FAT3: variants seen among roughly 807,000 people sequenced by gnomAD.
FAT3 encodes the protein FAT atypical cadherin 3.
FAT3 carries 95 observed loss-of-function variants against 310.2 expected under a neutral mutation model. That is an observed-to-expected ratio of 0.31 (90% CI 0.26 to 0.36). FAT3 has a LOEUF of 0.36. Among genes scored for constraint, FAT3 ranks in the 10% least tolerant of loss-of-function variants. FAT3 has a pLI of 1.00. For synonymous variants in FAT3, 2,314 were observed against 2,192.9 expected, an observed-to-expected ratio of 1.06 and a Z score of -1.54; for missense variants, 5,408 against 5,715.6, an observed-to-expected ratio of 0.95 and a Z score of 1.74.
chr11:92,233,764 C>T (rs1590983343), intron 1 of FAT3, among the ~76,000 whole-genome samples: 2 of 152,154 alleles, frequency 1.3e-5, no homozygotes, highest in African/African-American at 4.8e-5. Context: ...ATTATATTGC[C>T]AGATCAATTC....
At chr11:92,479,017 T>A (rs1332909125) in intron 2 of FAT3, among the ~76,000 whole-genome samples, 1 of 148,468 alleles carries the variant, frequency 6.7e-6, no homozygotes, top group Non-Finnish European at 1.5e-5. Flanking sequence ...TTGTTTTTTT[T>A]TAGAGACAGG....
chr11:92,617,899 G>A (rs1022365746), intron 3 of FAT3, among the ~76,000 whole-genome samples: 5 of 152,294 alleles, frequency 3.3e-5, no homozygotes, highest in African/African-American at 1.2e-4. Context: ...CCCCTACTGG[G>A]GGGTGTCTCC....
intron 2 of FAT3, among the ~76,000 whole-genome samples, chr11:92,469,853 C>T (rs982841800): frequency 2.0e-5 from 3 of 151,798 alleles, no homozygotes; most frequent in African/African-American, 7.3e-5. Flanking sequence ...ATACACTAAA[C>T]AGAAAAAGTA....
intron 1 of FAT3, among the ~76,000 whole-genome samples, chr11:92,233,398 C>T (rs553803566): frequency 1.3e-5 from 2 of 152,232 alleles, no homozygotes; most frequent in Admixed American, 6.5e-5. Flanking sequence ...CATCGTTGGT[C>T]GTTTTGGTGG....
chr11:92,608,621 G>T lies in FAT3; in HGVS notation c.3607+83673G>T, dbSNP rs77703276. On this transcript the variant is annotated intron_variant, in intron 3 of 27. Transcript: ENST00000525166. ...GAATGGGCTACCTGATTGTATATTAGTATTCCTGGGTAATTATGCCTATGA... is the reference window on the plus strand; with the variant it reads ...GAATGGGCTACCTGATTGTATATTATTATTCCTGGGTAATTATGCCTATGA... 2.0e-5 allele frequency among the ~76,000 whole-genome samples: 3 copies of T among 151,842 alleles called. No individual in the cohort carries two copies. The East Asian group carries it at 5.8e-4, about 29-fold the overall frequency.
chr11:92,456,153 C>A (rs531049869), intron 2 of FAT3, among the ~76,000 whole-genome samples: 9 of 152,128 alleles, frequency 5.9e-5, no homozygotes, highest in Non-Finnish European at 8.8e-5. Context: ...TTGACTACTT[C>A]GTTTCTTCCA....
At chr11:92,455,629 T>G (rs191217211) in intron 2 of FAT3, among the ~76,000 whole-genome samples, 226 of 152,284 alleles carry the variant, frequency 1.5e-3, no homozygotes, top group Non-Finnish European at 1.8e-3. Context: ...GGGCTGCTAC[T>G]CAGCAGAAAG....
At chr11:92,378,796 T>C (rs1236158611) in intron 2 of FAT3, among the ~76,000 whole-genome samples, 2 of 152,290 alleles carry the variant, frequency 1.3e-5, no homozygotes, top group East Asian at 3.9e-4. Flanking sequence ...GCCGACAGAT[T>C]CAGTGTCTGG....
intron 5 of FAT3, among the ~76,000 whole-genome samples, chr11:92,762,982 AC>A (rs1370453735): frequency 6.6e-6 from 1 of 151,630 alleles, no homozygotes; most frequent in Non-Finnish European, 1.5e-5. Context: ...ACATGGTAAA[AC>A]CCCGTCTCTA....
In FAT3 at chr11:92,873,620, A is replaced by G. The variant is rs147607117; in HGVS notation, c.12127+6411A>G. On this transcript the variant is annotated intron_variant, in intron 22 of 27. Transcript: ENST00000525166. ...CTACACAGCCCAAATTAATGCTATA[A>G]TTGCTTATACCATTTCCATTTTTGC... 2.0e-4 allele frequency among the ~76,000 whole-genome samples: 31 copies of G among 152,338 alleles called. No individual in the cohort carries two copies. The East Asian group carries it at 5.6e-3, about 27-fold the overall frequency.
In FAT3 at chr11:92,799,700, A is replaced by G. The variant is rs370171845; in HGVS notation, c.6687A>G (p.Lys2229=). ...TCATTATCGATGGGGACCCTTTTAA[A>G]CAGTTTAACATTGACTTTGACACTG... ...IYIIIDGDPF[K]QFNIDFDTGV... Residue 2229 remains lysine, a synonymous_variant, in exon 10 of 28, where the codon AAA becomes AAG. Transcript: ENST00000525166. The G allele has an allele frequency of 6.2e-6, 10 of 1,613,186 alleles. No individual in the cohort carries two copies. Among genetic ancestry groups the G allele is most frequent in the Non-Finnish European group, 8.5e-6 (10 of 1,179,646 alleles).
chr11:92,521,637 T>A (rs1235238884), intron 2 of FAT3, among the ~76,000 whole-genome samples: 1 of 152,102 alleles, frequency 6.6e-6, no homozygotes, highest in African/African-American at 2.4e-5. Context: ...GTCAATTGGG[T>A]AGAAAGTGAA....
chr11:92,807,333 A>G (rs1947530582), intron 12 of FAT3, among the ~76,000 whole-genome samples: 1 of 152,184 alleles, frequency 6.6e-6, no homozygotes, highest in South Asian at 2.1e-4. Flanking sequence ...ACTTTGGGGT[A>G]TCATTCTCTG....
At chr11:92,325,919 C>T (rs1947751576) in intron 1 of FAT3, among the ~76,000 whole-genome samples, 1 of 152,214 alleles carries the variant, frequency 6.6e-6, no homozygotes, top group Admixed American at 6.5e-5. Context: ...CATGAGCCAC[C>T]ATACCTGGCC....
At chr11:92,569,478 AATGTT>A in intron 3 of FAT3, among the ~76,000 whole-genome samples, 1 of 152,148 alleles carries the variant, frequency 6.6e-6, no homozygotes, top group Non-Finnish European at 1.5e-5. Flanking sequence ...AGAGGGAAGG[AATGTT>A]AACTCAGAAA....
At chr11:92,785,507 A>G (rs1946867091) in intron 7 of FAT3, among the ~76,000 whole-genome samples, 2 of 152,160 alleles carry the variant, frequency 1.3e-5, no homozygotes, top group Non-Finnish European at 2.9e-5. Context: ...AACTTCTATA[A>G]GTGATAGGAA....
intron 2 of FAT3, among the ~76,000 whole-genome samples, chr11:92,480,953 T>A (rs1332564261): frequency 6.6e-6 from 1 of 152,234 alleles, no homozygotes; most frequent in African/African-American, 2.4e-5. Flanking sequence ...ACTAATGTTA[T>A]GTCCAGCCCC....
intron 3 of FAT3, among the ~76,000 whole-genome samples, chr11:92,673,012 C>T (rs1290166140): frequency 1.3e-5 from 2 of 152,128 alleles, no homozygotes; most frequent in African/African-American, 4.8e-5. Flanking sequence ...ATTCTGAGAT[C>T]AACTCTAAAA....
At chr11:92,396,688 G>A (rs148482992) in intron 2 of FAT3, among the ~76,000 whole-genome samples, 1 of 152,226 alleles carries the variant, frequency 6.6e-6, no homozygotes, top group Non-Finnish European at 1.5e-5. Context: ...ACTAAGTTGT[G>A]TTTTGTTGGC....
Sources: gnomAD v4.1 joint callset for allele counts (sites outside exome capture counted in the v4.1 genomes callset) on GRCh38, gnomAD v4.1.1 for gene constraint, MANE v1.5 for transcripts, NCBI Gene and HGNC (gene_info 2026-07-23, HGNC 2026-07-21) for gene names.